Variants in PRUNE2 observed in about 807,000 individuals in gnomAD.
PRUNE2 encodes protein prune homolog 2.
A neutral mutation model predicts 252.0 loss-of-function variants in PRUNE2; 164 were observed. The ratio of observed to expected loss-of-function variants is 0.65; its 90% CI spans 0.57 to 0.74. The LOEUF (loss-of-function observed/expected upper bound fraction) is 0.74. Ranked by LOEUF, PRUNE2 falls within the 30% of genes least tolerant of loss-of-function variation. The pLI is 0.00. For missense variants in PRUNE2, 3,495 were observed against 3,711.0 expected (o/e 0.94, Z 1.51); for synonymous variants, 1,292 against 1,350.2 (o/e 0.96, Z 0.94).
At position 76,667,657 on chromosome 9, in the gene PRUNE2, G is replaced by A. The variant is rs538123830; in HGVS notation, c.8277-12155C>T. Among the ~76,000 whole-genome samples the A allele has an allele frequency of 3.3e-5, 5 of 152,306 alleles. No homozygotes were observed. In the South Asian group the frequency reaches 1.0e-3, roughly 32 times the overall value. ...CTGGCACCAGAAATATGAACCACAG[G>A]AACACACATAGATAAGATATTCCTT... On this transcript the variant is annotated intron_variant, in intron 9 of 18. Transcript: ENST00000376718.
chr9:76,851,586 C>T (rs2059965768), intron 2 of PRUNE2, among the ~76,000 whole-genome samples: 1 of 151,380 alleles, frequency 6.6e-6, no homozygotes, highest in Non-Finnish European at 1.5e-5. Context: ...TTTAATTACC[C>T]AAGAGCAGCT....
At chr9:76,717,665 T>C (rs1222964077) in intron 6 of PRUNE2, among the ~76,000 whole-genome samples, 1 of 151,968 alleles carries the variant, frequency 6.6e-6, no homozygotes, top group Non-Finnish European at 1.5e-5. Context: ...GCACTTCCTG[T>C]TGAACTTACC....
At chr9:76,622,573 T>G (rs1052136551) in intron 17 of PRUNE2, among the ~76,000 whole-genome samples, 30 of 152,138 alleles carry the variant, frequency 2.0e-4, no homozygotes, top group Admixed American at 2.0e-3. Flanking sequence ...AAAATAAATC[T>G]GAAAGAAAAC....
chr9:76,716,378 G>A lies in PRUNE2; in HGVS notation c.757-2657C>T, dbSNP rs1293832122. On this transcript the variant is annotated intron_variant, in intron 6 of 18. Coordinates refer to ENST00000376718, the MANE Select transcript of PRUNE2 (RefSeq NM_015225.3). ...GATCTGCATTTTCCAACAATCCTAG[G>A]AATTGGAATGCACGTTGAAATCTGA... 4.6e-5 allele frequency among the ~76,000 whole-genome samples: 7 copies of A among 152,260 alleles called. No individual in the cohort carries two copies. The East Asian group carries it at 1.4e-3, about 29-fold the overall frequency.
chr9:76,753,283 C>T (rs963903001), intron 6 of PRUNE2, among the ~76,000 whole-genome samples: 11 of 152,284 alleles, frequency 7.2e-5, no homozygotes, highest in African/African-American at 2.6e-4. Context: ...CTGCCTCAAC[C>T]TCCCAAAGTA....
intron 6 of PRUNE2, among the ~76,000 whole-genome samples, chr9:76,769,944 C>G (rs2052907939): frequency 6.6e-6 from 1 of 152,044 alleles, no homozygotes; most frequent in Non-Finnish European, 1.5e-5. Flanking sequence ...AAATTGAAAA[C>G]AATCCTGAAA....
intron 6 of PRUNE2, among the ~76,000 whole-genome samples, chr9:76,772,863 CCTGA>C (rs1294857546): frequency 1.3e-5 from 2 of 152,186 alleles, no homozygotes; most frequent in South Asian, 2.1e-4. Flanking sequence ...CTGTACCCAG[CCTGA>C]CTATGTAAAT....
chr9:76,698,226 T>C (rs534422091), intron 9 of PRUNE2, among the ~76,000 whole-genome samples: 19 of 152,090 alleles, frequency 1.2e-4, no homozygotes, highest in Non-Finnish European at 1.5e-5. Flanking sequence ...TTTGTATTTT[T>C]AGTACAGACG....
At chr9:76,683,898 T>C (rs1173207551) in intron 9 of PRUNE2, among the ~76,000 whole-genome samples, 2 of 151,112 alleles carry the variant, frequency 1.3e-5, no homozygotes, top group Non-Finnish European at 2.9e-5. Flanking sequence ...ACCCCATGAA[T>C]ATTTTTGTGT....
At chr9:76,863,268 C>A (rs2060651875) in intron 1 of PRUNE2, 1 of 152,102 alleles carries the variant, frequency 6.6e-6, no homozygotes, top group Admixed American at 6.6e-5. Flanking sequence ...ACCTTCCCAT[C>A]CATAAAAATA....
At chr9:76,667,689 C>T (rs182192852) in intron 9 of PRUNE2, among the ~76,000 whole-genome samples, 2 of 152,216 alleles carry the variant, frequency 1.3e-5, no homozygotes, top group South Asian at 4.1e-4. Flanking sequence ...CCTTCAACTG[C>T]TGCTCAGCAG....
Position 76,706,543 on chromosome 9 carries a change from G to T in PRUNE2, c.5731C>A (p.Gln1911Lys). Reference protein sequence around the residue: ...KNSHEQLWNIQPRQPDPDADK... With the variant: ...KNSHEQLWNIKPRQPDPDADK... ...GCATCTGGGTCTGGCTGCCTTGGTT[G>T]AATGTTCCAGAGTTGCTCATGGGAG... The change falls in exon 8 of 19, where the codon CAA becomes AAA. Residue 1911 changes from glutamine (Q) to lysine (K), a missense_variant. Transcript: ENST00000376718. 1 of 1,613,964 alleles carries T rather than the reference G, an allele frequency of 6.2e-7. No homozygotes were observed. Among genetic ancestry groups the T allele is most frequent in the South Asian group, 1.1e-5 (1 of 91,068 alleles).
chr9:76,886,100 C>G (rs1430583508), intron 1 of PRUNE2, among the ~76,000 whole-genome samples: 1 of 151,488 alleles, frequency 6.6e-6, no homozygotes, highest in Admixed American at 6.6e-5. Context: ...TCAGGAGAAT[C>G]GCTTGAACCC....
chr9:76,699,276 A>G (rs2045680653), intron 9 of PRUNE2, among the ~76,000 whole-genome samples: 1 of 152,018 alleles, frequency 6.6e-6, no homozygotes, highest in Non-Finnish European at 1.5e-5. Context: ...TAACATATAG[A>G]TCAGATTTTT....
At position 76,614,478 on chromosome 9, in the gene PRUNE2, A is replaced by C; in HGVS notation, c.*92T>G. The C allele has an allele frequency of 9.3e-7, 1 of 1,071,594 alleles. No individual in the cohort carries two copies. Among genetic ancestry groups the C allele is most frequent in the Non-Finnish European group, 1.4e-6 (1 of 703,960 alleles). The allele number at this position is 1,071,594 out of a possible 1,614,324, so 66.4% of individuals were successfully genotyped here. ...AATGGCACCAGGTAGTGCAAAGTGG[A>C]AAAAGGTAACATCAGCCCTGTCTCT... On this transcript the variant is annotated 3_prime_UTR_variant, in exon 19 of 19. Transcript: ENST00000376718.
At chr9:76,618,610 T>G (rs17062772) in intron 18 of PRUNE2, among the ~76,000 whole-genome samples, 9,792 of 152,250 alleles carry the variant, frequency 0.064, 810 homozygotes, top group African/African-American at 0.18. Flanking sequence ...TACACCCATC[T>G]AGCATTAAGA....
intron 6 of PRUNE2, among the ~76,000 whole-genome samples, chr9:76,718,985 G>A (rs932881259): frequency 2.6e-5 from 4 of 151,958 alleles, no homozygotes; most frequent in African/African-American, 4.8e-5. Flanking sequence ...GTCTAAACAC[G>A]TCTCTAATAT....
At chr9:76,878,835 A>G (rs939946852) in intron 1 of PRUNE2, among the ~76,000 whole-genome samples, 8 of 152,342 alleles carry the variant, frequency 5.3e-5, no homozygotes, top group Admixed American at 3.9e-4. Context: ...TAAATACATA[A>G]TTATACAAAG....
intron 9 of PRUNE2, among the ~76,000 whole-genome samples, chr9:76,670,131 C>T (rs950506767): frequency 6.6e-5 from 10 of 152,190 alleles, no homozygotes; most frequent in Non-Finnish European, 1.3e-4. Context: ...GCATTTCCAT[C>T]TGAGGTACTG....
Sources: allele counts gnomAD v4.1 joint callset (sites outside exome capture counted in the v4.1 genomes callset), GRCh38; gene constraint gnomAD v4.1.1; transcripts MANE v1.5; gene names NCBI Gene and HGNC (gene_info 2026-07-23, HGNC 2026-07-21).